Variants in PIF1 observed in about 807,000 individuals in gnomAD.
The protein encoded by PIF1 is ATP-dependent DNA helicase PIF1.
Under a neutral mutation model 62.3 loss-of-function variants are expected in PIF1, and 67 were observed. The observed-to-expected ratio is 1.08, with a 90% CI of 0.88 to 1.32. The LOEUF is 1.32. Ranked by LOEUF, PIF1 falls within the 40% of genes most tolerant of loss-of-function variation. PIF1 has a pLI of 0.00. For synonymous variants in PIF1, 364 were observed against 379.5 expected, an observed-to-expected ratio of 0.96 and a Z score of 0.47; for missense variants, 886 against 866.1, an observed-to-expected ratio of 1.02 and a Z score of -0.29.
At position 64,816,765 on chromosome 15, in the gene PIF1, C is replaced by T; in HGVS notation, c.1675G>A (p.Gly559Ser). The T allele has an allele frequency of 6.3e-7, 1 of 1,581,836 alleles. No homozygotes were observed. The highest frequency in any genetic ancestry group is 8.6e-7 in the Non-Finnish European group (1 of 1,163,828). The change falls in exon 12 of 13, where the codon GGC becomes AGC. Residue 559 changes from glycine to serine, a missense_variant and splice_region_variant. By Grantham distance (56) the Gly-to-Ser change is moderately conservative. Transcript: ENST00000559239. Reference sequence around the variant, plus strand: ...ATCTCCACACAATCCAGGGTCATGCCCTGGGGGATGCAGGGACAGAGATGG... The same window carrying T: ...ATCTCCACACAATCCAGGGTCATGCTCTGGGGGATGCAGGGACAGAGATGG... Reference protein sequence around the residue: ...AWAMSIHKSQGMTLDCVEISL... With the variant: ...AWAMSIHKSQSMTLDCVEISL...
rs1378466549 is a variant in PIF1 at position 64,817,948 on chromosome 15, G to C, written c.1672C>G (p.Gln558Glu). 1 of 1,610,516 alleles carries C rather than the reference G, an allele frequency of 6.2e-7. No homozygotes were observed. Among genetic ancestry groups the C allele is most frequent in the Non-Finnish European group, 8.5e-7 (1 of 1,178,514 alleles). Residue 558 changes from glutamine to glutamate, a missense_variant and splice_region_variant, in exon 11 of 13, where the codon CAA becomes GAA. Transcript: ENST00000559239. ...LAWAMSIHKS[Q>E]GMTLDCVEIS... ...CTGCCCCCCACACCGGTGCTCACTT[G>C]GCTCTTGTGGATGGACATCGCCCAG... is the stretch of plus-strand genomic sequence containing the variant.
chr15:64,821,025 C>A lies in PIF1; in HGVS notation c.1150G>T (p.Asp384Tyr). Reference protein sequence around the residue: ...LELTKVWRQADQTFISLLQAV... With the variant: ...LELTKVWRQAYQTFISLLQAV... ...TGCAGTAGAGAGATGAAGGTCTGGT[C>A]TGCCTGCCTCCACACCTTGGTCAGC... Residue 384 changes from aspartate (D) to tyrosine (Y), a missense_variant, in exon 7 of 13, where the codon GAC becomes TAC. Physicochemically the swap from Asp to Tyr is radical, Grantham distance 160. Coordinates refer to ENST00000559239, the MANE Select transcript of PIF1 (RefSeq NM_001286496.2). 6.2e-7 allele frequency: 1 copy of A among 1,614,186 alleles called. No individual in the cohort carries two copies.
At chr15:64,822,780 C>T (rs532215676) in intron 2 of PIF1, among the ~76,000 whole-genome samples, 170 bp from the exon 3 acceptor site, 5 of 152,200 alleles carry the variant, frequency 3.3e-5, no homozygotes, top group Middle Eastern at 3.4e-3. Flanking sequence ...ATTGGGGTCC[C>T]GATCTCTCCT....
At chr15:64,826,669 C>CATACATACATATACATAT (rs111251424), upstream of PIF1, among the ~76,000 whole-genome samples, 2 of 75,826 alleles carry the variant, frequency 2.6e-5, no homozygotes, top group African/African-American at 1.4e-4. Context: ...TATATATACA[C>CATACATACATATACATAT]ACACACACAC....
Position 64,819,141 on chromosome 15 carries a change from G to T in PIF1, c.1416C>A (p.Leu472=), listed in dbSNP as rs781215885. 3.9e-5 allele frequency: 62 copies of T among 1,595,402 alleles called. No homozygotes were observed. The highest frequency in any genetic ancestry group is 5.1e-5 in the Non-Finnish European group (60 of 1,174,868). ...CCTGGGCCCCCAGCTTTAGTTGAAGGAGCTGGCTAACAGGACACTGGGCAT... is the reference window on the plus strand; with the variant it reads ...CCTGGGCCCCCAGCTTTAGTTGAAGTAGCTGGCTAACAGGACACTGGGCAT... The part of the protein sequence containing the change: ...TLDAQCPVSQ[L]LQLKLGAQVM... Residue 472 remains leucine (L), a synonymous_variant, in exon 9 of 13, where the codon CTC becomes CTA. Transcript: ENST00000559239.
chr15:64,817,929 C>T lies in PIF1; in HGVS notation c.1674+17G>A. On this transcript the variant is annotated intron_variant, in intron 11 of 12. Coordinates refer to ENST00000559239, the MANE Select transcript of PIF1 (RefSeq NM_001286496.2). Reference sequence around the variant, plus strand: ...CCCTCTGCCCTCCCTGTCCCTGCCCCCCACACCGGTGCTCACTTGGCTCTT... The same window carrying T: ...CCCTCTGCCCTCCCTGTCCCTGCCCTCCACACCGGTGCTCACTTGGCTCTT... 1 of 1,602,402 alleles carries T rather than the reference C, an allele frequency of 6.2e-7. No individual in the cohort carries two copies.
rs184502917 is a variant in PIF1, at chr15:64,820,808, A to T, written c.1193+174T>A. On this transcript the variant is annotated intron_variant, in intron 7 of 12. Transcript: ENST00000559239. ...CTCCTATGGTGCCATGATGGTCTTG[A>T]CTACAATCCATCCTGAGTTGTCCAG... Among the ~76,000 whole-genome samples the T allele has an allele frequency of 3.9e-5, 6 of 152,268 alleles. No homozygotes were observed. The East Asian group carries it at 1.2e-3, about 29-fold the overall frequency.
chr15:64,826,426 C>G (rs142946062), upstream of PIF1, among the ~76,000 whole-genome samples: 133 of 150,852 alleles, frequency 8.8e-4, 1 homozygote, highest in African/African-American at 3.1e-3. Context: ...ATTAAATTGC[C>G]CTTTCCTTTC....
upstream of PIF1, among the ~76,000 whole-genome samples, chr15:64,826,665 T>TATATATATATGTATACACAC (rs796684934): frequency 2.3e-5 from 1 of 42,792 alleles, no homozygotes; most frequent in Non-Finnish European, 4.2e-5. Context: ...TATATATATA[T>TATATATATATGTATACACAC]ACACACACAC....
chr15:64,822,146 A>T, intron 4 of PIF1, 120 bp downstream of exon 4: 2 of 1,364,872 alleles, frequency 1.5e-6, no homozygotes, highest in East Asian at 2.3e-5. Context: ...AAGTTTTGGG[A>T]TTACAAGAGT....
chr15:64,826,624 TTATATATATA>T (rs764170884), upstream of PIF1, among the ~76,000 whole-genome samples: 1,612 of 36,076 alleles, frequency 0.045, 73 homozygotes, highest in Non-Finnish European at 0.067. Context: ...CCCAGCTAAT[TTATATATATA>T]TATATATATA....
At chr15:64,817,886 C>T in intron 11 of PIF1, 60 bp downstream of exon 11, 1 of 1,546,714 alleles carries the variant, frequency 6.5e-7, no homozygotes, top group Non-Finnish European at 8.7e-7. Flanking sequence ...GACACATAGA[C>T]TGCAACATGC....
At chr15:64,818,155 G>A (rs1239356012) in intron 10 of PIF1, 64 bp from the exon 11 acceptor site, 2 of 1,610,992 alleles carry the variant, frequency 1.2e-6, no homozygotes, top group Non-Finnish European at 1.7e-6. Flanking sequence ...GAGGAGCAGG[G>A]GCCTTTGGAG....
intron 4 of PIF1, chr15:64,821,965 C>T (rs59280525): frequency 0.054 from 20,548 of 381,022 alleles, 2,373 homozygotes; most frequent in African/African-American, 0.28. Context: ...TAGTCTTGAT[C>T]TCCTGACCTT....
chr15:64,822,698 G>A (rs955918329), intron 2 of PIF1, 88 bp from the exon 3 acceptor site: 15 of 1,562,508 alleles, frequency 9.6e-6, no homozygotes, highest in Non-Finnish European at 1.3e-5. Context: ...TGCTGGGCCT[G>A]GTAACCCTTT....
chr15:64,816,564 TCC>T lies in PIF1; in HGVS notation c.1866+8_1866+9del. 1 of 1,612,010 alleles carries T rather than the reference TCC, an allele frequency of 6.2e-7. No homozygotes were observed. The highest frequency in any genetic ancestry group is 2.2e-5 in the East Asian group (1 of 44,860). On this transcript the variant is annotated splice_region_variant and intron_variant, in intron 12 of 12. Coordinates refer to ENST00000559239, the MANE Select transcript of PIF1 (RefSeq NM_001286496.2). ...TGGCCACAGCCCACCACTGGATGAC[TCC>T]CTCTTACCAGACTGAGGCTCCTGCC...
At chr15:64,820,256 C>T (rs564156127) in intron 7 of PIF1, among the ~76,000 whole-genome samples, 20 of 152,316 alleles carry the variant, frequency 1.3e-4, no homozygotes, top group Non-Finnish European at 1.5e-4. Context: ...TGGCCACCCT[C>T]GCACTCCATA....
intron 4 of PIF1, chr15:64,821,948 G>A (rs111546654): frequency 0.022 from 7,402 of 344,234 alleles, 145 homozygotes; most frequent in Middle Eastern, 0.04. Context: ...TACCGTGTTA[G>A]CCAGGATAGT....
intron 4 of PIF1, 68 bp downstream of exon 4, chr15:64,822,198 A>G: frequency 6.4e-7 from 1 of 1,564,746 alleles, no homozygotes; most frequent in South Asian, 1.2e-5. Context: ...CTTTATGCAG[A>G]CCTCCCCTCT....
Sources: allele counts gnomAD v4.1 joint callset (sites outside exome capture counted in the v4.1 genomes callset), GRCh38; gene constraint gnomAD v4.1.1; transcripts MANE v1.5; gene names NCBI Gene and HGNC (gene_info 2026-07-23, HGNC 2026-07-21).